TMC3: variants seen among roughly 807,000 people sequenced by gnomAD.
The protein encoded by TMC3 is transmembrane channel-like protein 3.
Under a neutral mutation model 110.6 loss-of-function variants are expected in TMC3, and 98 were observed. That is an observed-to-expected ratio of 0.89 (90% confidence interval 0.75 to 1.05). TMC3 has a LOEUF of 1.05. Among genes scored for constraint, TMC3 ranks in the 50% least tolerant of loss-of-function variants. TMC3 has a pLI of 0.00. For missense variants in TMC3, 1,319 were observed against 1,373.2 expected, an observed-to-expected ratio of 0.96 and a Z score of 0.62; for synonymous variants, 489 against 513.1, an observed-to-expected ratio of 0.95 and a Z score of 0.63.
intron 16 of TMC3, among the ~76,000 whole-genome samples, chr15:81,340,218 GTCTCTGTC>G (rs893465531): frequency 8.1e-6 from 1 of 123,272 alleles, no homozygotes; most frequent in African/African-American, 4.2e-5. Context: ...GTCTCTCTCT[GTCTCTGTC>G]TCTCTCTCTC....
Position 81,337,940 on chromosome 15 carries a change from A to G in TMC3, c.2082-16T>C. On this transcript the variant is annotated splice_polypyrimidine_tract_variant and intron_variant, in intron 18 of 21. Coordinates refer to ENST00000359440, the MANE Select transcript of TMC3 (RefSeq NM_001080532.3). The stretch of plus-strand genomic sequence containing the variant: ...GATGAGCATGCTAGGACAGAACAAC[A>G]CAGGACAATGAGTGGACTGCAACTC... The G allele has an allele frequency of 6.2e-7, 1 of 1,605,382 alleles. No homozygotes were observed.
At chr15:81,351,628 A>G (rs1893952064) in intron 10 of TMC3, 66 bp downstream of exon 10, 2 of 1,532,032 alleles carry the variant, frequency 1.3e-6, no homozygotes, top group South Asian at 2.4e-5. Context: ...CTGGGATTAC[A>G]GGCATCAGCC....
chr15:81,362,230 C>T lies in TMC3; in HGVS notation c.384G>A (p.Lys128=), dbSNP rs968402840. 3.1e-6 allele frequency: 5 copies of T among 1,609,628 alleles called. No individual in the cohort carries two copies. The highest frequency in any genetic ancestry group is 2.7e-5 in the African/African-American group (2 of 74,858). The change falls in exon 4 of 22, where the codon AAG becomes AAA. Residue 128 remains lysine, a synonymous_variant. Coordinates refer to ENST00000359440, the MANE Select transcript of TMC3 (RefSeq NM_001080532.3). ...VIFIPWEMRI[K]KIESHFGSGV... is the part of the protein sequence containing the mutation. ...GGTGTAAATACTTACTCTCGATTTT[C>T]TTTATCCTCATTTCCCAGGGAATGA...
intron 2 of TMC3, among the ~76,000 whole-genome samples, chr15:81,369,576 A>G (rs1894390130): frequency 6.6e-6 from 1 of 152,096 alleles, no homozygotes; most frequent in African/African-American, 2.4e-5. Context: ...AAATATTTAA[A>G]CATTTTATGC....
At chr15:81,354,907 A>G (rs1334186443) in intron 9 of TMC3, among the ~76,000 whole-genome samples, 1 of 152,092 alleles carries the variant, frequency 6.6e-6, no homozygotes, top group African/African-American at 2.4e-5. Flanking sequence ...AGCTACAGAA[A>G]AAGAATCAGA....
At chr15:81,354,189 CT>C (rs1894009665) in intron 9 of TMC3, among the ~76,000 whole-genome samples, 1 of 152,210 alleles carries the variant, frequency 6.6e-6, no homozygotes, top group South Asian at 2.1e-4. Flanking sequence ...TTGTCTTAGC[CT>C]GGCTAAGGCC....
chr15:81,365,525 G>A (rs2141423154), intron 3 of TMC3, among the ~76,000 whole-genome samples: 1 of 152,050 alleles, frequency 6.6e-6, no homozygotes, highest in Admixed American at 6.5e-5. Flanking sequence ...ACAAAAATTA[G>A]CCAGGCGTGG....
intron 9 of TMC3, among the ~76,000 whole-genome samples, chr15:81,355,312 C>G (rs1894035632): frequency 6.6e-6 from 1 of 152,168 alleles, no homozygotes; most frequent in South Asian, 2.1e-4. Context: ...ACCAGCATAG[C>G]TCTCAAGATC....
chr15:81,373,958 T>C, intron 1 of TMC3, 31 bp downstream of exon 1: 1 of 1,604,280 alleles, frequency 6.2e-7, no homozygotes, highest in Non-Finnish European at 8.5e-7. Context: ...ACCTGACTCC[T>C]CTGCCCAGCT....
At chr15:81,354,220 G>C (rs2141712091) in intron 9 of TMC3, among the ~76,000 whole-genome samples, 2 of 152,276 alleles carry the variant, frequency 1.3e-5, no homozygotes, top group Middle Eastern at 3.4e-3. Flanking sequence ...AGTCCTTTTT[G>C]CAGATAGTTT....
rs1291625863 is a variant in TMC3 at position 81,347,592 on chromosome 15, A to T, written c.1194-1149T>A. On this transcript the variant is annotated intron_variant, in intron 11 of 21. Transcript: ENST00000359440. ...TTTCCTCTCCTGCTGTCTTGGCATT[A>T]CCATCACTCTGTGCCTTGGATAGAA... Among the ~76,000 whole-genome samples, 8 of 152,238 alleles carry T rather than the reference A, an allele frequency of 5.3e-5. 1 individual carries two copies. Among genetic ancestry groups the T allele is most frequent in the Admixed American group, 5.2e-4 (8 of 15,288 alleles).
At chr15:81,351,348 CTTT>C (rs35807579) in intron 10 of TMC3, among the ~76,000 whole-genome samples, 2 of 101,308 alleles carry the variant, frequency 2.0e-5, no homozygotes, top group African/African-American at 5.9e-5. Context: ...CTCTCTCTCT[CTTT>C]TTTTTTTTTT....
At chr15:81,371,649 A>G (rs1322220368) in intron 2 of TMC3, among the ~76,000 whole-genome samples, 1 of 152,200 alleles carries the variant, frequency 6.6e-6, no homozygotes, top group East Asian at 1.9e-4. Flanking sequence ...ACTCTTAGTG[A>G]GTGACTGTTA....
intron 21 of TMC3, 55 bp from the exon 22 acceptor site, chr15:81,333,317 A>G (rs905288935): frequency 6.3e-5 from 98 of 1,545,294 alleles, no homozygotes; most frequent in Non-Finnish European, 8.4e-5. Context: ...AGAGCCCCAC[A>G]CCTGAGGACT....
intron 11 of TMC3, 84 bp downstream of exon 11, chr15:81,349,374 C>G: frequency 1.2e-6 from 1 of 801,496 alleles, no homozygotes; most frequent in East Asian, 3.3e-5. Context: ...GAAGCAAGCC[C>G]TGGCTCTTGA....
chr15:81,347,136 G>T (rs1035971137), intron 11 of TMC3, among the ~76,000 whole-genome samples: 5 of 152,190 alleles, frequency 3.3e-5, no homozygotes, highest in African/African-American at 1.2e-4. Flanking sequence ...TTCCCAGGAT[G>T]CAGCCTTGGT....
chr15:81,363,225 T>TG (rs1322792261), intron 3 of TMC3, among the ~76,000 whole-genome samples: 1 of 149,436 alleles, frequency 6.7e-6, no homozygotes, highest in Non-Finnish European at 1.5e-5. Flanking sequence ...CACTGCAGCC[T>TG]GGGGGACAGA....
At position 81,339,556 on chromosome 15, in the gene TMC3, A is replaced by G. The variant is rs1177589095; in HGVS notation, c.1845-52T>C. The G allele has an allele frequency of 2.9e-6, 4 of 1,394,818 alleles. No individual in the cohort carries two copies. The Admixed American group carries it at 5.9e-5, about 21-fold the overall frequency. The allele number at this position is 1,394,818 out of a possible 1,614,324, so 86.4% of individuals were successfully genotyped here. ...TAAGTTCACTCCATAGCCAGTTGCC[A>G]GGGTTGCATATGCCCAAAGAGCTGC... On this transcript the variant is annotated intron_variant, in intron 16 of 21. Coordinates refer to ENST00000359440, the MANE Select transcript of TMC3 (RefSeq NM_001080532.3).
intron 16 of TMC3, 43 bp downstream of exon 16, chr15:81,341,347 G>A: frequency 1.3e-6 from 2 of 1,555,280 alleles, no homozygotes; most frequent in Non-Finnish European, 1.7e-6. Context: ...TTATATATAT[G>A]TATATATAGT....
Sources: allele counts gnomAD v4.1 joint callset (sites outside exome capture counted in the v4.1 genomes callset), GRCh38; gene constraint gnomAD v4.1.1; transcripts MANE v1.5; gene names NCBI Gene and HGNC (gene_info 2026-07-23, HGNC 2026-07-21).